The following TSNARE1 variants were observed in gnomAD, a reference collection of about 807,000 sequenced individuals.
TSNARE1 encodes the protein t-SNARE domain containing 1.
A neutral mutation model predicts 62.0 loss-of-function variants in TSNARE1; 49 were observed. The observed-to-expected ratio is 0.79, with a 90% CI of 0.63 to 1.00. TSNARE1 has a LOEUF of 1.00. Ranked by LOEUF, TSNARE1 falls within the 50% of genes least tolerant of loss-of-function variation. The probability of loss-of-function intolerance (pLI) is 0.00; values close to 1 mark genes in which losing one functional copy is unlikely to be tolerated. For missense variants in TSNARE1, 755 were observed against 700.1 expected (o/e 1.08, Z -0.88); for synonymous variants, 328 against 294.4 (o/e 1.11, Z -1.17).
At chr8:142,390,643 T>C (rs111341596) in intron 1 of TSNARE1, among the ~76,000 whole-genome samples, 2,596 of 4,366 alleles carry the variant, frequency 0.59, 1,181 homozygotes, top group Non-Finnish European at 0.69. Flanking sequence ...CGGGGGACTC[T>C]GTAACAGAAG....
rs1162895684 is a variant in TSNARE1, at chr8:142,398,025, C to T, written c.-40+5079G>A. 4.6e-5 allele frequency among the ~76,000 whole-genome samples: 7 copies of T among 152,256 alleles called. No homozygotes were observed. The East Asian group carries it at 1.4e-3, about 29-fold the overall frequency. On this transcript the variant is annotated intron_variant, in intron 1 of 13. Transcript: ENST00000524325. ...CAGGCCTCACCCTGCCTCCCAAGAC[C>T]CTCACAGGCTGACCCGAGTCAGACC...
chr8:142,365,646 G>A (rs1282707025), intron 1 of TSNARE1, among the ~76,000 whole-genome samples: 1 of 139,822 alleles, frequency 7.2e-6, no homozygotes. Context: ...AGAGAGAGAG[G>A]GGAACAAAGA....
At chr8:142,255,581 C>T (rs62650724) in intron 12 of TSNARE1, among the ~76,000 whole-genome samples, 1 of 41,538 alleles carries the variant, frequency 2.4e-5, no homozygotes, top group African/African-American at 8.9e-5. Context: ...ACCATCACCA[C>T]CACCACCACC....
At chr8:142,300,778 G>A in intron 9 of TSNARE1, 134 bp from the exon 10 acceptor site, 3 of 1,162,942 alleles carry the variant, frequency 2.6e-6, no homozygotes, top group Admixed American at 5.0e-5. Context: ...ATCTGGGTCT[G>A]AGGCGGGGGC....
At chr8:142,261,756 C>A (rs187853679) in intron 12 of TSNARE1, among the ~76,000 whole-genome samples, 2 of 152,154 alleles carry the variant, frequency 1.3e-5, no homozygotes, top group Non-Finnish European at 2.9e-5. Flanking sequence ...AGGCAGCTCA[C>A]GGGCATAGAG....
At chr8:142,388,680 C>A (rs1319163797) in intron 1 of TSNARE1, among the ~76,000 whole-genome samples, 1 of 151,406 alleles carries the variant, frequency 6.6e-6, no homozygotes, top group Non-Finnish European at 1.5e-5. Flanking sequence ...GACTCAGCCT[C>A]CTGAGTAGCT....
At chr8:142,307,334 TTGTGTCAC>T (rs1272207646) in intron 9 of TSNARE1, among the ~76,000 whole-genome samples, 2 of 152,208 alleles carry the variant, frequency 1.3e-5, no homozygotes, top group Non-Finnish European at 1.5e-5. Context: ...GTGTTCCAGG[TTGTGTCAC>T]TGCGTGGGGG....
chr8:142,388,501 T>C (rs1371571784), intron 1 of TSNARE1, among the ~76,000 whole-genome samples: 9 of 68,858 alleles, frequency 1.3e-4, no homozygotes, highest in Non-Finnish European at 2.7e-4. Context: ...GATAATGAAC[T>C]AAAAAAAAAA....
At position 142,270,188 on chromosome 8, in the gene TSNARE1, G is replaced by A. The variant is rs370853819; in HGVS notation, c.1446+4593C>T. On this transcript the variant is annotated intron_variant, in intron 12 of 13. Coordinates refer to ENST00000524325, the MANE Select transcript of TSNARE1 (RefSeq NM_145003.5). ...GGGGGGCTGCAGACTGTGCCCTGCC[G>A]CGCAGGGACTGGAGATGTGGCAGCC... 121 of 985,340 alleles carry A rather than the reference G, an allele frequency of 1.2e-4. 2 individuals are homozygous for A. The South Asian group carries it at 3.5e-3, about 29-fold the overall frequency. 61.0% of individuals were successfully genotyped at this position (985,340 alleles called of 1,614,324 possible). A position where few individuals can be genotyped will look rare whatever the true frequency, so the allele number is the denominator to read the frequency against.
At chr8:142,230,962 ACCATCCATCCAT>A (rs56309313) in intron 12 of TSNARE1, among the ~76,000 whole-genome samples, 2 of 146,866 alleles carry the variant, frequency 1.4e-5, no homozygotes, top group African/African-American at 5.1e-5. Context: ...CCATCATCCA[ACCATCCATCCAT>A]CCATCCATCC....
At chr8:142,327,592 C>T (rs1407293992) in intron 6 of TSNARE1, among the ~76,000 whole-genome samples, 1 of 152,224 alleles carries the variant, frequency 6.6e-6, no homozygotes, top group Non-Finnish European at 1.5e-5. Context: ...CAGCTCTTCA[C>T]ACCCTGCTGG....
intron 1 of TSNARE1, among the ~76,000 whole-genome samples, chr8:142,383,178 C>A (rs565250658): frequency 4.9e-4 from 75 of 152,124 alleles, no homozygotes; most frequent in Non-Finnish European, 7.8e-4. Flanking sequence ...GGCCACAGGA[C>A]CTAAGGGAGG....
At chr8:142,379,110 G>C (rs1333788336) in intron 1 of TSNARE1, among the ~76,000 whole-genome samples, 1 of 152,168 alleles carries the variant, frequency 6.6e-6, no homozygotes, top group Non-Finnish European at 1.5e-5. Flanking sequence ...GATCAGCACG[G>C]ATCAGAGCAG....
rs1563756238 is a variant in TSNARE1, at chr8:142,222,923, T to TTCACTCATCCAC, written c.*11+6538_*11+6549dup. 1.5e-3 allele frequency among the ~76,000 whole-genome samples: 77 copies of TTCACTCATCCAC among 50,138 alleles called. 1 individual carries two copies. The highest frequency in any genetic ancestry group is 3.7e-3 in the African/African-American group (71 of 19,156). 32.9% of individuals were successfully genotyped at this position (50,138 alleles called of 152,430 possible). A position where few individuals can be genotyped will look rare whatever the true frequency, so the allele number is the denominator to read the frequency against. ...ACTTACTCATCCACTCATTCACTCATTCACTCATCCACTCATTCACTCACT... is the reference window on the plus strand; with the variant it reads ...ACTTACTCATCCACTCATTCACTCATTCACTCATCCACTCACTCATCCACTCATTCACTCACT... On this transcript the variant is annotated intron_variant, in intron 13 of 13. Coordinates refer to ENST00000524325, the MANE Select transcript of TSNARE1 (RefSeq NM_145003.5).
At chr8:142,225,806 AT>A (rs1263195425) in intron 13 of TSNARE1, among the ~76,000 whole-genome samples, 1 of 152,216 alleles carries the variant, frequency 6.6e-6, no homozygotes, top group African/African-American at 2.4e-5. Flanking sequence ...CAAGTACCGT[AT>A]GCGGGCGGTG....
chr8:142,307,498 T>C (rs1361800274), intron 9 of TSNARE1, among the ~76,000 whole-genome samples: 1 of 152,224 alleles, frequency 6.6e-6, no homozygotes, highest in Non-Finnish European at 1.5e-5. Flanking sequence ...TCATACAACC[T>C]ACGCACATCC....
At chr8:142,223,405 T>C (rs1311039391) in intron 13 of TSNARE1, among the ~76,000 whole-genome samples, 1 of 147,456 alleles carries the variant, frequency 6.8e-6, no homozygotes, top group Non-Finnish European at 1.5e-5. Context: ...CATTCACTCG[T>C]TCACTCACTC....
chr8:142,252,074 T>C (rs926913981), intron 12 of TSNARE1, among the ~76,000 whole-genome samples: 4 of 150,222 alleles, frequency 2.7e-5, no homozygotes, highest in Non-Finnish European at 5.9e-5. Context: ...CCGGGCACCA[T>C]GTACCCACCG....
In TSNARE1 at chr8:142,277,436, G is replaced by A. The variant is rs537363843; in HGVS notation, c.1364-2573C>T. 227 of 985,398 alleles carry A rather than the reference G, an allele frequency of 2.3e-4. 4 individuals carry two copies. In the Admixed American group the frequency reaches 9.8e-3, roughly 43 times the overall value. The allele number at this position is 985,398 out of a possible 1,614,324, so 61.0% of individuals were successfully genotyped here. ...ACTCGCTGCCCCCAGCCCCACAGCC[G>A]TGACCAGCCCTGCAGGCCTGGCCCT... is the stretch of plus-strand genomic sequence containing the variant. On this transcript the variant is annotated intron_variant, in intron 11 of 13. Transcript: ENST00000524325.
Sources: allele counts gnomAD v4.1 joint callset (sites outside exome capture counted in the v4.1 genomes callset), GRCh38; gene constraint gnomAD v4.1.1; transcripts MANE v1.5; gene names NCBI Gene and HGNC (gene_info 2026-07-23, HGNC 2026-07-21).